The following ANKRD11 variants were observed in gnomAD, a reference collection of about 807,000 sequenced individuals.
The protein encoded by ANKRD11 is ankyrin repeat domain-containing protein 11.
ANKRD11 carries 17 observed loss-of-function variants against 195.7 expected under a neutral mutation model. That is an observed-to-expected ratio of 0.09 (90% CI 0.06 to 0.13). ANKRD11 has a LOEUF of 0.13. Ranked by LOEUF, ANKRD11 falls within the 10% of genes least tolerant of loss-of-function variation. ANKRD11 has a pLI of 1.00. For missense variants in ANKRD11, 3,735 were observed against 3,566.1 expected (o/e 1.05, Z -1.21); for synonymous variants, 1,953 against 1,528.1 (o/e 1.28, Z -6.49).
At chr16:89,403,962 G>A (rs968092618) in intron 2 of ANKRD11, among the ~76,000 whole-genome samples, 1 of 152,090 alleles carries the variant, frequency 6.6e-6, no homozygotes, top group African/African-American at 2.4e-5. Flanking sequence ...ATATTATAGG[G>A]CACAGAAAGG....
chr16:89,354,307 G>A (rs2039368464), intron 2 of ANKRD11, among the ~76,000 whole-genome samples: 1 of 146,216 alleles, frequency 6.8e-6, no homozygotes, highest in South Asian at 2.1e-4. Flanking sequence ...AATTTGAAAA[G>A]CCTCCTTTTC....
At chr16:89,271,505 C>A (rs973358167) in intron 11 of ANKRD11, 1 of 162,950 alleles carries the variant, frequency 6.1e-6, no homozygotes, top group Non-Finnish European at 1.4e-5. Context: ...TGTCCAGGCT[C>A]CTCCCCTTTT....
intron 2 of ANKRD11, among the ~76,000 whole-genome samples, chr16:89,326,782 C>T (rs1181745395): frequency 6.6e-6 from 1 of 152,132 alleles, no homozygotes; most frequent in African/African-American, 2.4e-5. Flanking sequence ...ACAACCGGGG[C>T]ATGAAAAAGT....
chr16:89,376,039 C>T (rs2040410414), intron 2 of ANKRD11, among the ~76,000 whole-genome samples: 1 of 152,164 alleles, frequency 6.6e-6, no homozygotes, highest in Non-Finnish European at 1.5e-5. Context: ...ACAGGACATC[C>T]GTGAAGCCAT....
chr16:89,290,171 C>T (rs905884186), intron 6 of ANKRD11, among the ~76,000 whole-genome samples: 3 of 152,274 alleles, frequency 2.0e-5, no homozygotes, highest in Admixed American at 1.3e-4. Context: ...AGCAGACGCG[C>T]ACCCCACGAG....
chr16:89,440,339 G>A (rs1368231900), intron 1 of ANKRD11, among the ~76,000 whole-genome samples: 1 of 152,214 alleles, frequency 6.6e-6, no homozygotes, highest in African/African-American at 2.4e-5. Flanking sequence ...CCAGCGTGGT[G>A]GCTCAGGCCT....
intron 4 of ANKRD11, chr16:89,299,943 G>C (rs1307459241): frequency 5.3e-5 from 10 of 188,440 alleles, no homozygotes; most frequent in Non-Finnish European, 7.9e-5. Flanking sequence ...GTGGTGCATG[G>C]GGTCTGTGCC....
intron 2 of ANKRD11, among the ~76,000 whole-genome samples, chr16:89,325,807 C>G (rs550939216): frequency 5.3e-5 from 8 of 152,210 alleles, no homozygotes; most frequent in African/African-American, 1.7e-4. Flanking sequence ...AGAGGTGTCA[C>G]TGACCTTTTG....
intron 2 of ANKRD11, among the ~76,000 whole-genome samples, chr16:89,347,568 G>A (rs572018404): frequency 2.8e-5 from 4 of 144,954 alleles, no homozygotes; most frequent in South Asian, 4.3e-4. Flanking sequence ...CCAAGATCAC[G>A]CCACTGCATT....
intron 11 of ANKRD11, chr16:89,272,280 C>G (rs1184892645): frequency 6.6e-6 from 1 of 152,228 alleles, no homozygotes; most frequent in East Asian, 1.9e-4. Flanking sequence ...AGGGAACCCT[C>G]GTACCCCGTT....
At chr16:89,431,819 C>G (rs2042990255) in intron 1 of ANKRD11, among the ~76,000 whole-genome samples, 1 of 152,168 alleles carries the variant, frequency 6.6e-6, no homozygotes, top group African/African-American at 2.4e-5. Context: ...CCACCTTACT[C>G]GGCTCTCCTC....
At chr16:89,485,506 G>A (rs1408220565) in intron 1 of ANKRD11, among the ~76,000 whole-genome samples, 1 of 151,962 alleles carries the variant, frequency 6.6e-6, no homozygotes, top group African/African-American at 2.4e-5. Context: ...AAACAAAACT[G>A]TGAGGTTTCT....
chr16:89,366,980 G>A (rs1358168944), intron 2 of ANKRD11, among the ~76,000 whole-genome samples: 1 of 152,226 alleles, frequency 6.6e-6, no homozygotes, highest in Non-Finnish European at 1.5e-5. Flanking sequence ...TAGGTCCGCT[G>A]ATTGTGGTTT....
At chr16:89,328,149 T>G (rs896860644) in intron 2 of ANKRD11, among the ~76,000 whole-genome samples, 5 of 98,252 alleles carry the variant, frequency 5.1e-5, no homozygotes. Context: ...AAAGCCGCAA[T>G]GAGATATTAC....
chr16:89,412,002 T>C lies in ANKRD11; in HGVS notation c.-60+6282A>G, dbSNP rs2042128160. ...CTGGGCTGAGATGCCTCCCAGAGTC[T>C]CCTGGCCGTGCCCCATCCCTCCCCT... On this transcript the variant is annotated intron_variant, in intron 2 of 12. Coordinates refer to ENST00000301030, the MANE Select transcript of ANKRD11 (RefSeq NM_013275.6). Among the ~76,000 whole-genome samples, 3 of 107,656 alleles carry C rather than the reference T, an allele frequency of 2.8e-5. No individual in the cohort carries two copies. In the South Asian group the frequency reaches 1.2e-3, roughly 42 times the overall value. 70.6% of individuals were successfully genotyped at this position (107,656 alleles called of 152,430 possible). A position where few individuals can be genotyped will look rare whatever the true frequency, so the allele number is the denominator to read the frequency against.
At chr16:89,441,627 T>C (rs145731221) in intron 1 of ANKRD11, among the ~76,000 whole-genome samples, 109 of 150,110 alleles carry the variant, frequency 7.3e-4, no homozygotes, top group East Asian at 3.0e-3. Flanking sequence ...ATTAGCTGGG[T>C]GTGGTGGTGG....
chr16:89,391,143 G>A (rs1162757314), intron 2 of ANKRD11, among the ~76,000 whole-genome samples: 1 of 151,730 alleles, frequency 6.6e-6, no homozygotes. Flanking sequence ...CAGGAGAATG[G>A]TGTGAACCCG....
At chr16:89,278,416 G>C (rs1489733726) in intron 9 of ANKRD11, 2 of 416,316 alleles carry the variant, frequency 4.8e-6, no homozygotes, top group Middle Eastern at 7.4e-4. Flanking sequence ...CATTTGGAGG[G>C]ATCTATTTTG....
intron 9 of ANKRD11, chr16:89,278,065 C>G: frequency 5.4e-6 from 1 of 184,982 alleles, no homozygotes; most frequent in South Asian, 9.6e-5. Flanking sequence ...ACAACACACT[C>G]AAGCGAGACG....
Sources: allele counts gnomAD v4.1 joint callset (sites outside exome capture counted in the v4.1 genomes callset), GRCh38; gene constraint gnomAD v4.1.1; transcripts MANE v1.5; gene names NCBI Gene and HGNC (gene_info 2026-07-23, HGNC 2026-07-21).